The following FMNL1 variants were observed in gnomAD, a reference collection of about 807,000 sequenced individuals.
FMNL1 encodes formin like 1, also known as formin-like protein 1.
FMNL1 carries 43 observed loss-of-function variants against 121.3 expected under a neutral mutation model. That is an observed-to-expected ratio of 0.35 (90% CI 0.28 to 0.46). The LOEUF (loss-of-function observed/expected upper bound fraction) is 0.46, where lower values mean the gene tolerates loss of function less well. FMNL1 is among the 20% of genes least tolerant of loss of function. The pLI, the probability that FMNL1 is intolerant of heterozygous loss-of-function variation, is 1.00. For synonymous variants in FMNL1, 613 were observed against 613.5 expected, an observed-to-expected ratio of 1.00 and a Z score of 0.01; for missense variants, 1,191 against 1,482.4, an observed-to-expected ratio of 0.80 and a Z score of 3.23.
At chr17:45,240,422 C>T (rs1468039869) in intron 11 of FMNL1, 54 bp from the exon 12 acceptor site, 5 of 1,504,644 alleles carry the variant, frequency 3.3e-6, no homozygotes, top group Non-Finnish European at 4.5e-6. Flanking sequence ...TTTGGAAAGA[C>T]TCCCCCCCAC....
At position 45,230,706 on chromosome 17, in the gene FMNL1, C is replaced by T. The variant is rs1444737164; in HGVS notation, c.213+19C>T. 6.2e-7 allele frequency: 1 copy of T among 1,611,962 alleles called. No homozygotes were observed. The highest frequency in any genetic ancestry group is 8.5e-7 in the Non-Finnish European group (1 of 1,178,818). Reference sequence around the variant, plus strand: ...TGATCAGGTAGGTGCCAGCACTGCCCAGCCACCCCTTCCCTCCCACTGTCA... The same window carrying T: ...TGATCAGGTAGGTGCCAGCACTGCCTAGCCACCCCTTCCCTCCCACTGTCA... On this transcript the variant is annotated intron_variant, in intron 2 of 26. Transcript: ENST00000331495.
chr17:45,239,805 T>C (rs1289905838), intron 11 of FMNL1, among the ~76,000 whole-genome samples: 2 of 76,274 alleles, frequency 2.6e-5, no homozygotes, highest in Non-Finnish European at 4.7e-5. Context: ...CTATGATTGC[T>C]TTTTTTTTGA....
In FMNL1 at chr17:45,238,494, G is replaced by A. The variant is rs968061519; in HGVS notation, c.895-70G>A. The A allele has an allele frequency of 9.1e-6, 14 of 1,536,550 alleles. No individual in the cohort carries two copies. The African/African-American group carries it at 1.5e-4, about 16-fold the overall frequency. On this transcript the variant is annotated intron_variant, in intron 9 of 26. Coordinates refer to ENST00000331495, the MANE Select transcript of FMNL1 (RefSeq NM_005892.4). ...TGGAGAGGAGCCTGTTGAAGCACAG[G>A]TGTGGCAGCCAGAAGGTAGCTTAGG... is the stretch of plus-strand genomic sequence containing the variant.
chr17:45,242,214 G>A, intron 15 of FMNL1, 68 bp downstream of exon 15: 1 of 1,543,834 alleles, frequency 6.5e-7, no homozygotes, highest in Non-Finnish European at 8.7e-7. Flanking sequence ...GGGCCTCAGT[G>A]TCCTCCAGGG....
Position 45,232,470 on chromosome 17 carries a change from C to T in FMNL1, c.317C>T (p.Ser106Phe), listed in dbSNP as rs1209499276. 6.2e-7 allele frequency: 1 copy of T among 1,614,008 alleles called. No individual in the cohort carries two copies. Among genetic ancestry groups the T allele is most frequent in the East Asian group, 2.2e-5 (1 of 44,884 alleles). ...VSRKVAADWM[S>F]NLGFKRRVQE... ...CGAAAGGTAGCAGCTGATTGGATGT[C>T]CAACCTGGGGGTACATGTCTCCCCT... Residue 106 changes from serine to phenylalanine, a missense_variant, in exon 3 of 27, where the codon TCC becomes TTC. Physicochemically the swap from Ser to Phe is radical, Grantham distance 155. Around this residue, in one of 4 missense-constraint regions of FMNL1, gnomAD observed 253 missense variants for 417.5 expected, o/e 0.61. Transcript: ENST00000331495.
intron 1 of FMNL1, among the ~76,000 whole-genome samples, chr17:45,222,841 G>T (rs982890459): frequency 6.6e-6 from 1 of 152,166 alleles, no homozygotes; most frequent in Non-Finnish European, 1.5e-5. Flanking sequence ...AGCCACTGAA[G>T]GGAGTAAGAT....
rs2043831698 is a variant in FMNL1, at chr17:45,246,282, C to T, written c.3163C>T (p.Leu1055Phe). ...GAAACGGAGGCAGCAGAAGGAGCCA[C>T]TCATTTATGAGAGCGACCGTGATGG... ...ELKRRQQKEP[L>F]IYESDRDGAI... Residue 1055 changes from leucine (L) to phenylalanine (F), a missense_variant, in exon 25 of 27, where the codon CTC becomes TTC. Around this residue, in one of 4 missense-constraint regions of FMNL1, gnomAD observed 367 missense variants for 528.6 expected, o/e 0.69. Transcript: ENST00000331495. The T allele has an allele frequency of 6.2e-7, 1 of 1,614,044 alleles. No individual in the cohort carries two copies. Among genetic ancestry groups the T allele is most frequent in the Middle Eastern group, 1.7e-4 (1 of 6,060 alleles).
chr17:45,241,627 C>T lies in FMNL1; in HGVS notation c.1578C>T (p.Pro526=). Residue 526 remains proline, a synonymous_variant, in exon 14 of 27, where the codon CCC becomes CCT. Transcript: ENST00000331495. This position sits in a 1 kb window ranked among gnomAD's most constrained non-coding sequence, Gnocchi z 7.0. ...CTCCGGGGGTGCCGACCGGCTCCCC[C>T]AGCCCAGGTGCGCAGGAGCTTCAGG... is the stretch of plus-strand genomic sequence containing the variant. ...APTPGVPTGS[P]SPDLAPAAEP... 6.6e-7 allele frequency: 1 copy of T among 1,511,292 alleles called. No homozygotes were observed. 93.6% of individuals were successfully genotyped at this position (1,511,292 alleles called of 1,614,324 possible). A position where few individuals can be genotyped will look rare whatever the true frequency, so the allele number is the denominator to read the frequency against.
chr17:45,232,404 T>A lies in FMNL1; in HGVS notation c.251T>A (p.Ile84Asn). 6.2e-7 allele frequency: 1 copy of A among 1,613,808 alleles called. No homozygotes were observed. Among genetic ancestry groups the A allele is most frequent in the Non-Finnish European group, 8.5e-7 (1 of 1,179,898 alleles). ...GTCAAGAATCCCCCCGCAGCCTACATCCAGAAGCTGAAGAGCTATGTGGAT... is the reference window on the plus strand; with the variant it reads ...GTCAAGAATCCCCCCGCAGCCTACAACCAGAAGCTGAAGAGCTATGTGGAT... ...FQVKNPPAAYIQKLKSYVDTG... is the reference protein window; with the variant it reads ...FQVKNPPAAYNQKLKSYVDTG... The change falls in exon 3 of 27, where the codon ATC becomes AAC. Residue 84 changes from isoleucine to asparagine, a missense_variant. Physicochemically the swap from Ile to Asn is moderately radical, Grantham distance 149 (BLOSUM62 -3). This residue lies in a region of FMNL1 where 253 missense variants were observed against 417.5 expected (regional missense o/e 0.61). Coordinates refer to ENST00000331495, the MANE Select transcript of FMNL1 (RefSeq NM_005892.4).
chr17:45,235,210 G>T (rs546637978), intron 6 of FMNL1, among the ~76,000 whole-genome samples: 1 of 152,316 alleles, frequency 6.6e-6, no homozygotes, highest in Admixed American at 6.5e-5. Context: ...TGCCCTCAGG[G>T]GCCCACAGTC....
chr17:45,239,467 C>T (rs1218723324), intron 11 of FMNL1, among the ~76,000 whole-genome samples: 1 of 152,138 alleles, frequency 6.6e-6, no homozygotes, highest in African/African-American at 2.4e-5. Context: ...TTGGCTCATG[C>T]TGGATGGGCC....
rs751785973 is a variant in FMNL1, at chr17:45,237,457, C to G, written c.801-89C>G. The G allele has an allele frequency of 6.9e-6, 11 of 1,605,078 alleles. No individual in the cohort carries two copies. In the Admixed American group the frequency reaches 1.5e-4, roughly 22 times the overall value. On this transcript the variant is annotated intron_variant, in intron 8 of 26. Coordinates refer to ENST00000331495, the MANE Select transcript of FMNL1 (RefSeq NM_005892.4). This position sits in a 1 kb window ranked among gnomAD's most constrained non-coding sequence, Gnocchi z 4.4. ...CAGGTCTCAGAGGCTCATTCTGCAC[C>G]CACTATGCTCCTCCTAGCCAGGCCT...
At chr17:45,224,605 C>G (rs573199083) in intron 1 of FMNL1, among the ~76,000 whole-genome samples, 1 of 152,358 alleles carries the variant, frequency 6.6e-6, no homozygotes, top group Non-Finnish European at 1.5e-5. Flanking sequence ...CCCAAACTCT[C>G]CTTCCTCTCC....
rs769873341 is a variant in FMNL1, at chr17:45,243,364, G to A, written c.2213+44G>A. 4.6e-5 allele frequency: 73 copies of A among 1,601,030 alleles called. 1 individual carries two copies. The South Asian group carries it at 8.1e-4, about 18-fold the overall frequency. ...GGTTTGTGGGCAGTCCGGCCCCTTT[G>A]CTAGGCTGGGGTTGTCAGGCAGATC... On this transcript the variant is annotated intron_variant, in intron 17 of 26. Transcript: ENST00000331495.
intron 11 of FMNL1, among the ~76,000 whole-genome samples, chr17:45,239,663 CG>C (rs979578073): frequency 2.6e-5 from 4 of 151,810 alleles, no homozygotes; most frequent in African/African-American, 4.8e-5. Context: ...AGCAGGCTGG[CG>C]GGGGGGTCTA....
chr17:45,222,772 C>T (rs2043255741), intron 1 of FMNL1, among the ~76,000 whole-genome samples: 1 of 152,160 alleles, frequency 6.6e-6, no homozygotes, highest in Non-Finnish European at 1.5e-5. Flanking sequence ...TGTGTTTCTA[C>T]CCCGCCATAT....
rs778720865 is a variant in FMNL1 at position 45,243,845 on chromosome 17, G to A, written c.2268G>A (p.Leu756=). 6.2e-7 allele frequency: 1 copy of A among 1,613,696 alleles called. No individual in the cohort carries two copies. The highest frequency in any genetic ancestry group is 8.5e-7 in the Non-Finnish European group (1 of 1,179,898). ...LDFLELLMRF[L]PTEYERSLIT... ...TCCTGGAGCTGCTGATGCGCTTCCT[G>A]CCCACAGAGTATGAGCGCAGCCTCA... The change falls in exon 18 of 27, where the codon CTG becomes CTA. Residue 756 remains leucine (L), a synonymous_variant. Transcript: ENST00000331495.
intron 1 of FMNL1, among the ~76,000 whole-genome samples, chr17:45,228,716 T>C (rs780957078): frequency 7.9e-5 from 12 of 151,868 alleles, no homozygotes; most frequent in Non-Finnish European, 1.6e-4. Context: ...GCTGGGGCCA[T>C]TCCAGAACCA....
intron 2 of FMNL1, among the ~76,000 whole-genome samples, 168 bp from the exon 3 acceptor site, chr17:45,232,199 A>G (rs2043453650): frequency 1.3e-5 from 2 of 152,194 alleles, no homozygotes; most frequent in South Asian, 4.1e-4. Context: ...AAAAAAAGAA[A>G]GTGGCTTGGT....
Sources: gnomAD v4.1 joint callset for allele counts (sites outside exome capture counted in the v4.1 genomes callset) on GRCh38, gnomAD v4.1.1 for gene constraint, gnomAD v4.1.1 regional missense constraint, Gnocchi (gnomAD v3.1) non-coding constraint, MANE v1.5 for transcripts, NCBI Gene and HGNC (gene_info 2026-07-23, HGNC 2026-07-21) for gene names.